Variants in SAMD3 observed in about 807,000 individuals in gnomAD.
SAMD3 encodes the protein sterile alpha motif domain containing 3.
A neutral mutation model predicts 58.5 loss-of-function variants in SAMD3; 63 were observed. The ratio of observed to expected loss-of-function variants is 1.08; its 90% CI spans 0.88 to 1.33. SAMD3 has a LOEUF of 1.33. Ranked by LOEUF, SAMD3 falls within the 40% of genes most tolerant of loss-of-function variation. The probability of loss-of-function intolerance (pLI) is 0.00; values close to 1 mark genes in which losing one functional copy is unlikely to be tolerated. For synonymous variants in SAMD3, 220 were observed against 210.3 expected, an observed-to-expected ratio of 1.05 and a Z score of -0.40; for missense variants, 604 against 608.4, an observed-to-expected ratio of 0.99 and a Z score of 0.08.
intron 9 of SAMD3, among the ~76,000 whole-genome samples, chr6:130,147,668 C>G (rs192310687): frequency 8.5e-5 from 13 of 152,256 alleles, no homozygotes; most frequent in Middle Eastern, 3.4e-3. Context: ...TACAAGAGCA[C>G]CCAAATTCAG....
chr6:130,154,838 T>A lies in SAMD3; in HGVS notation c.1010A>T (p.Lys337Met). 1 of 1,611,450 alleles carries A rather than the reference T, an allele frequency of 6.2e-7. No homozygotes were observed. Among genetic ancestry groups the A allele is most frequent in the Non-Finnish European group, 8.5e-7 (1 of 1,178,734 alleles). ...GAATAAAGATACCTGATAAGGGCAC[T>A]TCAAGAAAGGAAACAGTTTAAGAAT... The part of the protein sequence containing the change: ...KDILKLFPFL[K>M]CPYQMFREFQ... The change falls in exon 9 of 12, where the codon AAG becomes ATG. Residue 337 changes from lysine to methionine, a missense_variant. Physicochemically the swap from Lys to Met is moderately conservative, Grantham distance 95. Transcript: ENST00000439090.
intron 1 of SAMD3, among the ~76,000 whole-genome samples, chr6:130,313,294 G>T (rs1039285519): frequency 6.6e-6 from 1 of 152,106 alleles, no homozygotes; most frequent in Admixed American, 6.5e-5. Context: ...GTTGTGTGGC[G>T]CTGGCCTGTG....
intron 8 of SAMD3, among the ~76,000 whole-genome samples, chr6:130,157,688 G>C (rs563246163): frequency 4.6e-5 from 7 of 152,262 alleles, no homozygotes; most frequent in Admixed American, 2.0e-4. Context: ...GCAACACAAA[G>C]GTGCTTTATT....
chr6:130,242,000 C>T (rs1457827062), intron 2 of SAMD3, among the ~76,000 whole-genome samples: 1 of 152,190 alleles, frequency 6.6e-6, no homozygotes, highest in East Asian at 1.9e-4. Flanking sequence ...CAAATCCATT[C>T]GTTTAATGTA....
chr6:130,151,088 G>A (rs947546094), intron 9 of SAMD3, among the ~76,000 whole-genome samples: 4 of 152,150 alleles, frequency 2.6e-5, no homozygotes, highest in East Asian at 1.9e-4. Flanking sequence ...TGTAGACTTC[G>A]GCCCAGCCCA....
chr6:130,244,806 GC>G (rs1773487285), intron 2 of SAMD3, among the ~76,000 whole-genome samples: 1 of 152,040 alleles, frequency 6.6e-6, no homozygotes. Flanking sequence ...GTGTGCAGAT[GC>G]CATAGGGTTG....
At position 130,144,573 on chromosome 6, in the gene SAMD3, G is replaced by GAAA. The variant is rs750899858; in HGVS notation, c.1507_1509dup (p.Phe503dup). ...TCGTTTTCCTTTTCTTTCAAAGAAGGAAAATAAGGACTGTGCATATCGAAA... is the reference window on the plus strand; with the variant it reads ...TCGTTTTCCTTTTCTTTCAAAGAAGGAAAAAAATAAGGACTGTGCATATCGAAA... On this transcript the variant is annotated inframe_insertion, in exon 12 of 12. Transcript: ENST00000439090. 14 of 1,613,910 alleles carry GAAA rather than the reference G, an allele frequency of 8.7e-6. No homozygotes were observed. The East Asian group carries it at 2.7e-4, about 31-fold the overall frequency.
chr6:130,214,237 G>T, intron 4 of SAMD3, 100 bp downstream of exon 4: 1 of 914,132 alleles, frequency 1.1e-6, no homozygotes, highest in Non-Finnish European at 1.6e-6. Flanking sequence ...AGCTGAAAAC[G>T]GTCACAGTTT....
At chr6:130,326,367 A>ATTTTTTTTT (rs537066801) in intron 1 of SAMD3, among the ~76,000 whole-genome samples, 1,678 of 128,580 alleles carry the variant, frequency 0.013, 55 homozygotes, top group African/African-American at 0.041. Context: ...ATGCCTGGTC[A>ATTTTTTTTT]TTTTTTTTTT....
intron 2 of SAMD3, among the ~76,000 whole-genome samples, chr6:130,284,448 TA>T (rs1562498746): frequency 6.6e-6 from 1 of 151,796 alleles, no homozygotes; most frequent in Non-Finnish European, 1.5e-5. Context: ...CAGGAAAAGA[TA>T]AAAAATCATT....
intron 2 of SAMD3, among the ~76,000 whole-genome samples, chr6:130,279,558 C>A (rs115539287): frequency 0.032 from 4,702 of 147,004 alleles, 243 homozygotes; most frequent in African/African-American, 0.11. Context: ...GGTGCACTCT[C>A]ACTGCAACCT....
intron 2 of SAMD3, among the ~76,000 whole-genome samples, chr6:130,235,598 C>T (rs936003664): frequency 6.6e-6 from 1 of 152,104 alleles, no homozygotes; most frequent in Non-Finnish European, 1.5e-5. Flanking sequence ...AAACATATAG[C>T]TAAAATGATA....
chr6:130,147,589 T>C (rs562497681), intron 9 of SAMD3, among the ~76,000 whole-genome samples: 1 of 151,030 alleles, frequency 6.6e-6, no homozygotes, highest in East Asian at 2.0e-4. Context: ...CAATTTCTGA[T>C]CCAGTTGAAA....
chr6:130,144,917 G>A, intron 11 of SAMD3, 113 bp from the exon 12 acceptor site: 6 of 1,030,614 alleles, frequency 5.8e-6, no homozygotes, highest in Admixed American at 2.8e-5. Context: ...TAGCATATTT[G>A]TAAATATGAC....
intron 2 of SAMD3, among the ~76,000 whole-genome samples, chr6:130,270,470 C>G (rs181752141): frequency 6.6e-6 from 1 of 152,164 alleles, no homozygotes; most frequent in East Asian, 1.9e-4. Flanking sequence ...TTTTCTAGGA[C>G]GTCATTGGCC....
chr6:130,315,580 G>A, intron 1 of SAMD3, among the ~76,000 whole-genome samples: 1 of 152,172 alleles, frequency 6.6e-6, no homozygotes, highest in Middle Eastern at 3.4e-3. Flanking sequence ...TTGTTGACAC[G>A]AATAGAATCA....
In SAMD3 at chr6:130,144,578, T is replaced by TAAG. The variant is rs1562359162; in HGVS notation, c.1502_1504dup (p.Pro501_Tyr502insSer). The stretch of plus-strand genomic sequence containing the variant: ...TTCCTTTTCTTTCAAAGAAGGAAAA[T>TAAG]AAGGACTGTGCATATCGAAAATCAG... On this transcript the variant is annotated inframe_insertion, in exon 12 of 12. Coordinates refer to ENST00000439090, the MANE Select transcript of SAMD3 (RefSeq NM_001017373.4). The TAAG allele has an allele frequency of 6.2e-7, 1 of 1,613,902 alleles. No individual in the cohort carries two copies. The highest frequency in any genetic ancestry group is 8.5e-7 in the Non-Finnish European group (1 of 1,179,904).
At chr6:130,348,523 G>A (rs969148024) in intron 1 of SAMD3, among the ~76,000 whole-genome samples, 23 of 152,158 alleles carry the variant, frequency 1.5e-4, no homozygotes, top group Admixed American at 1.4e-3. Context: ...AACAAGAAGA[G>A]CTAACTATCC....
At chr6:130,349,424 C>G (rs981023245) in intron 1 of SAMD3, among the ~76,000 whole-genome samples, 1 of 152,168 alleles carries the variant, frequency 6.6e-6, no homozygotes, top group Non-Finnish European at 1.5e-5. Context: ...GAAATACAAA[C>G]TACCATCAGA....
Sources: allele counts gnomAD v4.1 joint callset (sites outside exome capture counted in the v4.1 genomes callset), GRCh38; gene constraint gnomAD v4.1.1; transcripts MANE v1.5; gene names NCBI Gene and HGNC (gene_info 2026-07-23, HGNC 2026-07-21).